The following FAM168B variants were observed in gnomAD, a reference collection of about 807,000 sequenced individuals.
FAM168B encodes family with sequence similarity 168 member B.
Under a neutral mutation model 21.8 loss-of-function variants are expected in FAM168B, and 19 were observed. The ratio of observed to expected loss-of-function variants is 0.87; its 90% confidence interval spans 0.61 to 1.28. The LOEUF (loss-of-function observed/expected upper bound fraction) is 1.28, where lower values mean the gene tolerates loss of function less well. Ranked by LOEUF, FAM168B falls within the 50% of genes most tolerant of loss-of-function variation. The pLI, the probability that FAM168B is intolerant of heterozygous loss-of-function variation, is 0.00. For synonymous variants in FAM168B, 126 were observed against 104.8 expected (o/e 1.20, Z -1.24); for missense variants, 233 against 263.1 (o/e 0.89, Z 0.79).
intron 2 of FAM168B, among the ~76,000 whole-genome samples, chr2:131,077,620 G>A (rs757471847): frequency 7.9e-5 from 12 of 152,218 alleles, no homozygotes; most frequent in African/African-American, 9.7e-5. Context: ...TGACCTGGGC[G>A]GTGCTTGTCA....
chr2:131,084,460 G>A (rs555278563), intron 1 of FAM168B, among the ~76,000 whole-genome samples: 16 of 151,760 alleles, frequency 1.1e-4, no homozygotes, highest in Admixed American at 5.9e-4. Context: ...TCAGCTTCCC[G>A]AGTAGATGGG....
intron 2 of FAM168B, among the ~76,000 whole-genome samples, chr2:131,074,441 C>T (rs1693033738): frequency 6.6e-6 from 1 of 152,152 alleles, no homozygotes; most frequent in Non-Finnish European, 1.5e-5. Flanking sequence ...AGCGTTCTTT[C>T]TATTTGGGGC....
intron 3 of FAM168B, among the ~76,000 whole-genome samples, chr2:131,070,919 G>A (rs1435833179): frequency 1.3e-5 from 2 of 152,198 alleles, no homozygotes; most frequent in East Asian, 3.9e-4. Context: ...TGGGAGCATC[G>A]CTCTGGTTTA....
At chr2:131,079,037 C>A (rs1693305880) in intron 2 of FAM168B, among the ~76,000 whole-genome samples, 1 of 151,052 alleles carries the variant, frequency 6.6e-6, no homozygotes, top group African/African-American at 2.4e-5. Context: ...CAAATTTTAT[C>A]TTTAAAGTGC....
At chr2:131,061,955 T>A (rs1449454704) in intron 3 of FAM168B, among the ~76,000 whole-genome samples, 1 of 152,148 alleles carries the variant, frequency 6.6e-6, no homozygotes, top group Non-Finnish European at 1.5e-5. Flanking sequence ...ATGTTCAATA[T>A]ATACAGCCAA....
intron 3 of FAM168B, among the ~76,000 whole-genome samples, chr2:131,062,023 GAAGA>G (rs910053137): frequency 3.3e-5 from 5 of 152,056 alleles, no homozygotes. Flanking sequence ...GAAAGAATGA[GAAGA>G]AAAAGGAAAA....
intron 1 of FAM168B, among the ~76,000 whole-genome samples, chr2:131,090,729 T>C (rs977698769): frequency 3.9e-5 from 6 of 152,104 alleles, no homozygotes; most frequent in East Asian, 3.9e-4. Context: ...ATGTATAATA[T>C]ATACAAATTT....
At chr2:131,061,752 A>T (rs1456593436) in intron 3 of FAM168B, among the ~76,000 whole-genome samples, 1 of 151,756 alleles carries the variant, frequency 6.6e-6, no homozygotes, top group Non-Finnish European at 1.5e-5. Context: ...AATGCACTCC[A>T]GCCTGGGCGA....
intron 3 of FAM168B, among the ~76,000 whole-genome samples, chr2:131,065,516 T>A (rs945990124): frequency 6.6e-6 from 1 of 152,078 alleles, no homozygotes; most frequent in Non-Finnish European, 1.5e-5. Context: ...ACGCCGGGCA[T>A]GGGGGCTCAT....
In FAM168B at chr2:131,050,526, T is replaced by C; in HGVS notation, c.*1939A>G. ...CACATAGACACTAAGATGGATTAAG[T>C]GCTCATGAAGCAATTTAAAGTACTT... On this transcript the variant is annotated 3_prime_UTR_variant, in exon 7 of 7. Coordinates refer to ENST00000389915, the MANE Select transcript of FAM168B (RefSeq NM_001009993.4). 1.0e-6 allele frequency: 1 copy of C among 985,856 alleles called. No individual in the cohort carries two copies. The highest frequency in any genetic ancestry group is 1.2e-6 in the Non-Finnish European group (1 of 829,944). 61.1% of individuals were successfully genotyped at this position (985,856 alleles called of 1,614,324 possible). A position where few individuals can be genotyped will look rare whatever the true frequency, so the allele number is the denominator to read the frequency against.
intron 6 of FAM168B, 95 bp downstream of exon 6, chr2:131,052,796 T>G: frequency 6.7e-7 from 1 of 1,488,202 alleles, no homozygotes; most frequent in Non-Finnish European, 9.0e-7. Flanking sequence ...CAGGCACACT[T>G]TCCTCGTTAG....
At chr2:131,058,875 C>T (rs1196800173) in intron 3 of FAM168B, among the ~76,000 whole-genome samples, 2 of 152,158 alleles carry the variant, frequency 1.3e-5, no homozygotes, top group Non-Finnish European at 2.9e-5. Flanking sequence ...AATTACGCCA[C>T]AACGAGGTTG....
intron 3 of FAM168B, among the ~76,000 whole-genome samples, chr2:131,057,798 G>A (rs1197301902): frequency 6.6e-6 from 1 of 151,958 alleles, no homozygotes; most frequent in African/African-American, 2.4e-5. Flanking sequence ...TACACAACTG[G>A]GCTGTTAGCA....
chr2:131,065,895 TA>T (rs1302433026), intron 3 of FAM168B, among the ~76,000 whole-genome samples: 1 of 151,866 alleles, frequency 6.6e-6, no homozygotes. Flanking sequence ...CAAAACCAGA[TA>T]AACACTGTGT....
chr2:131,055,077 G>A (rs760434723), intron 5 of FAM168B, among the ~76,000 whole-genome samples, 195 bp downstream of exon 5: 1 of 152,178 alleles, frequency 6.6e-6, no homozygotes, highest in Non-Finnish European at 1.5e-5. Context: ...CAGATTCAGA[G>A]AGGCCTCCAC....
At position 131,049,299 on chromosome 2, in the gene FAM168B, A is replaced by G. The variant is rs1573733135; in HGVS notation, c.*3166T>C. On this transcript the variant is annotated 3_prime_UTR_variant, in exon 7 of 7. Coordinates refer to ENST00000389915, the MANE Select transcript of FAM168B (RefSeq NM_001009993.4). ...GGGAAGGGCAAGACACTCACTGACCAGGTGCCCACCCCAAGGCTCAGGACC... is the reference window on the plus strand; with the variant it reads ...GGGAAGGGCAAGACACTCACTGACCGGGTGCCCACCCCAAGGCTCAGGACC... 1.0e-6 allele frequency: 1 copy of G among 985,436 alleles called. No individual in the cohort carries two copies. 61.0% of individuals were successfully genotyped at this position (985,436 alleles called of 1,614,324 possible). A position where few individuals can be genotyped will look rare whatever the true frequency, so the allele number is the denominator to read the frequency against.
At chr2:131,073,843 T>C (rs577736455) in intron 2 of FAM168B, among the ~76,000 whole-genome samples, 1 of 152,340 alleles carries the variant, frequency 6.6e-6, no homozygotes, top group East Asian at 1.9e-4. Context: ...CACACAGAAA[T>C]GGGAAAAATC....
At position 131,075,275 on chromosome 2, in the gene FAM168B, TA is replaced by T. The variant is rs1172103189; in HGVS notation, c.71-3338del. 6.0e-3 allele frequency among the ~76,000 whole-genome samples: 863 copies of T among 143,910 alleles called. 4 individuals are homozygous for T. Among genetic ancestry groups the T allele is most frequent in the African/African-American group, 0.013 (509 of 38,816 alleles). 94.4% of individuals were successfully genotyped at this position (143,910 alleles called of 152,430 possible). A position where few individuals can be genotyped will look rare whatever the true frequency, so the allele number is the denominator to read the frequency against. ...TTTTTTTCCAATGGTTTCCTTCTTT[TA>T]AAAAAAAAAAAAAAGTTTCAACTAC... On this transcript the variant is annotated intron_variant, in intron 2 of 6. Coordinates refer to ENST00000389915, the MANE Select transcript of FAM168B (RefSeq NM_001009993.4).
At chr2:131,076,267 C>T (rs148134988) in intron 2 of FAM168B, among the ~76,000 whole-genome samples, 14 of 152,330 alleles carry the variant, frequency 9.2e-5, no homozygotes, top group African/African-American at 2.4e-4. Context: ...CCGTCTCCTT[C>T]AGCATCTATT....
Sources: allele counts gnomAD v4.1 joint callset (sites outside exome capture counted in the v4.1 genomes callset), GRCh38; gene constraint gnomAD v4.1.1; transcripts MANE v1.5; gene names NCBI Gene and HGNC (gene_info 2026-07-23, HGNC 2026-07-21).